Variants in ASPRV1 observed in about 807,000 individuals in gnomAD.
The protein encoded by ASPRV1 is retroviral-like aspartic protease 1.
A neutral mutation model predicts 11.0 loss-of-function variants in ASPRV1; 7 were observed. That is an observed-to-expected ratio of 0.64 (90% CI 0.36 to 1.20). The LOEUF (loss-of-function observed/expected upper bound fraction) is 1.20. Ranked by LOEUF, ASPRV1 falls within the 50% of genes most tolerant of loss-of-function variation. The pLI, the probability that ASPRV1 is intolerant of heterozygous loss-of-function variation, is 0.02. For missense variants in ASPRV1, 299 were observed against 320.0 expected, an observed-to-expected ratio of 0.93 and a Z score of 0.50; for synonymous variants, 136 against 138.4, an observed-to-expected ratio of 0.98 and a Z score of 0.12.
chr2:69,935,540 C>T, the ASPRV1 span: 1 of 997,664 alleles, frequency 1.0e-6, no homozygotes. Flanking sequence ...ATCTCCAGGA[C>T]AGTCCTCTCC....
At chr2:70,033,677 T>G in the ASPRV1 span, among the ~76,000 whole-genome samples, 6 of 152,150 alleles carry the variant, frequency 3.9e-5, no homozygotes, top group African/African-American at 1.2e-4. Context: ...TTTTCCCCTA[T>G]GAATATGAAT....
At chr2:69,978,680 T>C in the ASPRV1 span, among the ~76,000 whole-genome samples, 3 of 152,272 alleles carry the variant, frequency 2.0e-5, no homozygotes, top group East Asian at 3.9e-4. Flanking sequence ...GAGGGTGTCC[T>C]GGTGAGGCAG....
At chr2:70,027,259 CAAAAAAAAA>C in the ASPRV1 span, among the ~76,000 whole-genome samples, 12 of 49,676 alleles carry the variant, frequency 2.4e-4, no homozygotes, top group African/African-American at 7.5e-4. Flanking sequence ...CCCTGTCTCT[CAAAAAAAAA>C]AAAAAAAAAA....
At chr2:70,022,009 ATTTTGTTTTG>A in the ASPRV1 span, among the ~76,000 whole-genome samples, 8 of 146,202 alleles carry the variant, frequency 5.5e-5, no homozygotes, top group Admixed American at 2.1e-4. Context: ...CAGCCAATAC[ATTTTGTTTTG>A]TTTTGTTTTG....
At chr2:70,061,913 A>C in the ASPRV1 span, among the ~76,000 whole-genome samples, 1 of 151,810 alleles carries the variant, frequency 6.6e-6, no homozygotes, top group Non-Finnish European at 1.5e-5. Context: ...CAGTAAGCTG[A>C]GATCACTCCA....
At chr2:69,934,534 A>G in the ASPRV1 span, among the ~76,000 whole-genome samples, 1 of 152,234 alleles carries the variant, frequency 6.6e-6, no homozygotes, top group African/African-American at 2.4e-5. Context: ...TGACTCAGTA[A>G]AAACCCCCAT....
chr2:70,079,424 T>C, the ASPRV1 span, among the ~76,000 whole-genome samples: 2 of 152,066 alleles, frequency 1.3e-5, no homozygotes, highest in South Asian at 2.1e-4. Flanking sequence ...AGTCAACTAT[T>C]ATCATGCCAC....
the ASPRV1 span, among the ~76,000 whole-genome samples, chr2:69,978,755 G>A: frequency 2.0e-5 from 3 of 152,162 alleles, no homozygotes; most frequent in East Asian, 1.9e-4. Flanking sequence ...AGCAGCCCGT[G>A]GACAGGAGAG....
At chr2:70,039,346 C>T in the ASPRV1 span, among the ~76,000 whole-genome samples, 1 of 152,104 alleles carries the variant, frequency 6.6e-6, no homozygotes, top group African/African-American at 2.4e-5. Flanking sequence ...AGTAAACCAT[C>T]CATAATCTAA....
chr2:70,047,723 C>T, the ASPRV1 span, among the ~76,000 whole-genome samples: 1 of 152,174 alleles, frequency 6.6e-6, no homozygotes, highest in Non-Finnish European at 1.5e-5. Context: ...GTGAGATGGT[C>T]AGGCTACAGT....
At chr2:69,989,134 C>T in the ASPRV1 span, among the ~76,000 whole-genome samples, 6 of 152,192 alleles carry the variant, frequency 3.9e-5, no homozygotes, top group African/African-American at 7.2e-5. Flanking sequence ...CTCACAGCCC[C>T]GCCACACTTC....
chr2:70,044,372 C>T, the ASPRV1 span, among the ~76,000 whole-genome samples: 1 of 152,210 alleles, frequency 6.6e-6, no homozygotes, highest in Non-Finnish European at 1.5e-5. Flanking sequence ...ATCTCTTCTG[C>T]TAGCCCAGGG....
At chr2:69,973,392 T>C in the ASPRV1 span, among the ~76,000 whole-genome samples, 1 of 152,230 alleles carries the variant, frequency 6.6e-6, no homozygotes, top group Non-Finnish European at 1.5e-5. Flanking sequence ...TGTTGTTTTT[T>C]TTTTACAGAA....
chr2:69,983,502 A>G, the ASPRV1 span, among the ~76,000 whole-genome samples: 5 of 152,266 alleles, frequency 3.3e-5, no homozygotes, highest in South Asian at 1.0e-3. Flanking sequence ...AGAGCAGGGC[A>G]GCCTTTTGGG....
Position 69,961,545 on chromosome 2 carries a change from G to T in ASPRV1, c.-109C>A. On this transcript the variant is annotated 5_prime_UTR_variant, in exon 1 of 1. Transcript: ENST00000320256. The stretch of plus-strand genomic sequence containing the variant: ...AAAACGGGGCCTCTCGAAGCAGAGT[G>T]GGGATGACTTGCCCGGCCTTGGGCA... The T allele has an allele frequency of 6.2e-7, 1 of 1,613,778 alleles. No individual in the cohort carries two copies. The highest frequency in any genetic ancestry group is 8.5e-7 in the Non-Finnish European group (1 of 1,179,698).
chr2:70,048,419 GAAAAAAA>G, the ASPRV1 span, among the ~76,000 whole-genome samples: 60 of 131,210 alleles, frequency 4.6e-4, no homozygotes, highest in African/African-American at 1.5e-3. Flanking sequence ...TGTCTTAAAA[GAAAAAAA>G]AAAAAGAAAA....
At chr2:70,042,168 T>C in the ASPRV1 span, among the ~76,000 whole-genome samples, 1 of 152,190 alleles carries the variant, frequency 6.6e-6, no homozygotes, top group Non-Finnish European at 1.5e-5. Flanking sequence ...TTTGGAGTTT[T>C]ATAATGCATA....
At chr2:69,962,223 C>G (rs1008229338), upstream of ASPRV1, 1 of 168,410 alleles carries the variant, frequency 5.9e-6, no homozygotes, top group African/African-American at 2.4e-5. Context: ...CACACACACA[C>G]ACACACACGT....
chr2:70,028,174 G>C, the ASPRV1 span, among the ~76,000 whole-genome samples: 1 of 152,166 alleles, frequency 6.6e-6, no homozygotes, highest in Non-Finnish European at 1.5e-5. Context: ...GGTGCAGCTA[G>C]AACCAGCATT....
Sources: gnomAD v4.1 joint callset for allele counts (sites outside exome capture counted in the v4.1 genomes callset) on GRCh38, gnomAD v4.1.1 for gene constraint, MANE v1.5 for transcripts, NCBI Gene and HGNC (gene_info 2026-07-23, HGNC 2026-07-21) for gene names.